ANKRD44: variants seen among roughly 807,000 people sequenced by gnomAD.
ANKRD44 encodes the protein ankyrin repeat domain 44, also known as serine/threonine-protein phosphatase 6 regulatory ankyrin repeat subunit B.
In ANKRD44, 35 loss-of-function variants were observed where a neutral mutation model predicts 116.0. The ratio of observed to expected loss-of-function variants is 0.30; its 90% CI spans 0.23 to 0.40. The LOEUF (loss-of-function observed/expected upper bound fraction) is 0.40. Ranked by LOEUF, ANKRD44 falls within the 10% of genes least tolerant of loss-of-function variation. ANKRD44 has a pLI of 1.00. For missense variants in ANKRD44, 1,014 were observed against 1,242.6 expected, an observed-to-expected ratio of 0.82 and a Z score of 2.77; for synonymous variants, 435 against 461.8, an observed-to-expected ratio of 0.94 and a Z score of 0.74.
In ANKRD44 at chr2:197,013,631, T is replaced by A. The variant is rs2076336480; in HGVS notation, c.1804A>T (p.Thr602Ser). Residue 602 changes from threonine to serine, a missense_variant, in exon 18 of 28, where the codon ACT becomes TCT. By Grantham distance (58) the Thr-to-Ser change is moderately conservative. Transcript: ENST00000282272. ...TTAAAGGCAGCCAGATCCAGAGCAG[T>A]GCGGCCTTTCTCATCCCTGATGTCC... The part of the protein sequence containing the change: ...DLDIRDEKGR[T>S]ALDLAAFKGH... 6.2e-7 allele frequency: 1 copy of A among 1,614,042 alleles called. No homozygotes were observed. The highest frequency in any genetic ancestry group is 1.3e-5 in the African/African-American group (1 of 74,906).
intron 8 of ANKRD44, among the ~76,000 whole-genome samples, chr2:197,114,500 A>T (rs896278947): frequency 6.6e-6 from 1 of 152,246 alleles, no homozygotes; most frequent in Admixed American, 6.5e-5. Context: ...AAGGAAGATT[A>T]ATCTTTGAAC....
intron 18 of ANKRD44, among the ~76,000 whole-genome samples, chr2:197,013,141 T>C (rs1186602318): frequency 1.3e-5 from 2 of 152,232 alleles, no homozygotes; most frequent in East Asian, 3.8e-4. Context: ...GAATATGAAA[T>C]AGCCATAAAA....
intron 1 of ANKRD44, among the ~76,000 whole-genome samples, chr2:197,214,930 T>G (rs762904689): frequency 9.9e-5 from 15 of 152,194 alleles, no homozygotes; most frequent in Non-Finnish European, 1.8e-4. Flanking sequence ...CAGGCTAGAA[T>G]GCAGTGGCAC....
intron 21 of ANKRD44, among the ~76,000 whole-genome samples, chr2:196,980,665 T>C (rs72922625): frequency 0.16 from 24,852 of 152,206 alleles, 2,253 homozygotes; most frequent in African/African-American, 0.25. Context: ...TGCAGCTCTT[T>C]GCCATCTGTC....
chr2:197,226,306 C>T (rs112114379), intron 1 of ANKRD44, among the ~76,000 whole-genome samples: 7 of 152,338 alleles, frequency 4.6e-5, no homozygotes, highest in African/African-American at 1.4e-4. Context: ...CACCAATTAA[C>T]TCAGAGCCAA....
chr2:197,026,270 G>A (rs2076593257), intron 16 of ANKRD44, among the ~76,000 whole-genome samples: 1 of 152,158 alleles, frequency 6.6e-6, no homozygotes, highest in Middle Eastern at 3.2e-3. Context: ...TTGCAGAGGT[G>A]GACCTACTAT....
chr2:197,266,271 G>T (rs888411102), intron 1 of ANKRD44, among the ~76,000 whole-genome samples: 1 of 152,096 alleles, frequency 6.6e-6, no homozygotes, highest in Middle Eastern at 3.4e-3. Flanking sequence ...TAAAAGCTCA[G>T]TAGCTACTTC....
At chr2:196,995,946 A>G (rs539600201) in intron 25 of ANKRD44, among the ~76,000 whole-genome samples, 2 of 152,372 alleles carry the variant, frequency 1.3e-5, no homozygotes, top group Admixed American at 1.3e-4. Context: ...TATATTGTGA[A>G]GAAACCCTAT....
chr2:197,241,265 T>C (rs2082084843), intron 1 of ANKRD44, among the ~76,000 whole-genome samples: 1 of 152,228 alleles, frequency 6.6e-6, no homozygotes, highest in Non-Finnish European at 1.5e-5. Context: ...CACACATACA[T>C]ACACAGAGGA....
intron 1 of ANKRD44, chr2:197,250,887 G>A (rs1277890547): frequency 6.6e-6 from 1 of 152,048 alleles, no homozygotes; most frequent in East Asian, 1.9e-4. Context: ...CATTTTGGGT[G>A]GTAAGTTAGT....
At chr2:197,271,440 G>A (rs2082896672) in intron 1 of ANKRD44, among the ~76,000 whole-genome samples, 1 of 152,174 alleles carries the variant, frequency 6.6e-6, no homozygotes, top group Admixed American at 6.6e-5. Context: ...CCAACTTACA[G>A]AACTGTGAGC....
In ANKRD44 at chr2:197,110,790, G is replaced by C; in HGVS notation, c.961C>G (p.Arg321Gly). Reference sequence around the variant, plus strand: ...CCATTCTGAATGAGGGTCTGTGACCGTGTGAACCTTCCATGGACAGCTGTC... The same window carrying C: ...CCATTCTGAATGAGGGTCTGTGACCCTGTGAACCTTCCATGGACAGCTGTC... ...HMTAVHGRFT[R>G]SQTLIQNGGE... The change falls in exon 9 of 28, where the codon CGG becomes GGG. Residue 321 changes from arginine (R) to glycine (G), a missense_variant. Physicochemically the swap from Arg to Gly is moderately radical, Grantham distance 125. Coordinates refer to ENST00000282272, the MANE Select transcript of ANKRD44 (RefSeq NM_001195144.2). 1 of 1,613,644 alleles carries C rather than the reference G, an allele frequency of 6.2e-7. No individual in the cohort carries two copies. The highest frequency in any genetic ancestry group is 8.5e-7 in the Non-Finnish European group (1 of 1,179,620).
rs758250074 is a variant in ANKRD44, at chr2:197,023,737, T to C, written c.1722+1459A>G. The stretch of plus-strand genomic sequence containing the variant: ...GACTCTCTAGGGGCAGTTAGTGCTA[T>C]GTTTGTGAGTGCTCAGCTTTGGGGT... On this transcript the variant is annotated intron_variant, in intron 17 of 27. Coordinates refer to ENST00000282272, the MANE Select transcript of ANKRD44 (RefSeq NM_001195144.2). Among the ~76,000 whole-genome samples the C allele has an allele frequency of 1.2e-4, 19 of 152,192 alleles. 1 individual carries two copies. Among genetic ancestry groups the C allele is most frequent in the Admixed American group, 2.6e-4 (4 of 15,284 alleles).
intron 15 of ANKRD44, 68 bp from the exon 16 acceptor site, chr2:197,078,882 ATCC>A (rs2077731364): frequency 6.6e-7 from 1 of 1,509,056 alleles, no homozygotes; most frequent in Admixed American, 1.9e-5. Context: ...ATTTATGTAA[ATCC>A]TCCTATTACG....
intron 16 of ANKRD44, among the ~76,000 whole-genome samples, chr2:197,066,099 G>A (rs955114743): frequency 6.6e-6 from 1 of 152,188 alleles, no homozygotes; most frequent in African/African-American, 2.4e-5. Flanking sequence ...CGATGATCAA[G>A]TGGGCTTCAT....
chr2:197,118,615 A>AAGAGAGAGAGAGAGAG (rs57255941), intron 8 of ANKRD44, among the ~76,000 whole-genome samples: 1 of 76,398 alleles, frequency 1.3e-5, no homozygotes, highest in East Asian at 2.9e-4. Context: ...GAGAGAAAGA[A>AAGAGAGAGAGAGAGAG]AGAGAGAGAG....
At chr2:197,227,775 TG>T (rs1175899582) in intron 1 of ANKRD44, among the ~76,000 whole-genome samples, 3 of 152,228 alleles carry the variant, frequency 2.0e-5, no homozygotes, top group Admixed American at 6.5e-5. Context: ...TCCATGTCTC[TG>T]GGCTTCATTT....
At chr2:197,157,799 A>G (rs974868368) in intron 2 of ANKRD44, among the ~76,000 whole-genome samples, 12 of 152,068 alleles carry the variant, frequency 7.9e-5, no homozygotes, top group African/African-American at 2.9e-4. Flanking sequence ...AAATAAATCT[A>G]GAAAATTAAG....
chr2:197,217,435 C>T (rs2081474653), intron 1 of ANKRD44, among the ~76,000 whole-genome samples: 2 of 152,270 alleles, frequency 1.3e-5, no homozygotes, highest in South Asian at 4.1e-4. Context: ...ATGTTGGGAT[C>T]CTCATAGCCC....
Sources: gnomAD v4.1 joint callset for allele counts (sites outside exome capture counted in the v4.1 genomes callset) on GRCh38, gnomAD v4.1.1 for gene constraint, MANE v1.5 for transcripts, NCBI Gene and HGNC (gene_info 2026-07-23, HGNC 2026-07-21) for gene names.